The following CWH43 variants were observed in gnomAD, a reference collection of about 807,000 sequenced individuals.
The protein encoded by CWH43 is cell wall biogenesis 43 C-terminal homolog, also known as PGAP2-interacting protein.
Under a neutral mutation model 85.7 loss-of-function variants are expected in CWH43, and 91 were observed. The ratio of observed to expected loss-of-function variants is 1.06; its 90% CI spans 0.90 to 1.26. The LOEUF (loss-of-function observed/expected upper bound fraction) is 1.26. CWH43 is among the 50% of genes most tolerant of loss of function. The pLI is 0.00. For synonymous variants in CWH43, 323 were observed against 293.6 expected, an observed-to-expected ratio of 1.10 and a Z score of -1.02; for missense variants, 869 against 839.2, an observed-to-expected ratio of 1.04 and a Z score of -0.44.
rs1262110169 is a variant in CWH43 at position 49,014,139 on chromosome 4, T to A, written c.1187-3110T>A. Among the ~76,000 whole-genome samples, 5 of 152,280 alleles carry A rather than the reference T, an allele frequency of 3.3e-5. No homozygotes were observed. In the East Asian group the frequency reaches 9.6e-4, roughly 29 times the overall value. ...AGACCATTATATAAAAACCTTCATA[T>A]ATGTTTCATCTTAATTTAAAAGATT... On this transcript the variant is annotated intron_variant, in intron 8 of 15. Transcript: ENST00000226432.
chr4:49,034,658 A>G (rs1784209284), intron 12 of CWH43, among the ~76,000 whole-genome samples: 1 of 152,184 alleles, frequency 6.6e-6, no homozygotes, highest in Admixed American at 6.5e-5. Flanking sequence ...AAGGCAGTGT[A>G]ATTTAATGAT....
intron 9 of CWH43, among the ~76,000 whole-genome samples, chr4:49,021,945 CT>C: frequency 6.6e-6 from 1 of 152,166 alleles, no homozygotes; most frequent in Non-Finnish European, 1.5e-5. Flanking sequence ...GTTCTAGGAG[CT>C]TTTTGGTGGA....
chr4:49,039,333 AC>A (rs68087501), intron 13 of CWH43, among the ~76,000 whole-genome samples: 461 of 9,262 alleles, frequency 0.05, 6 homozygotes, highest in Middle Eastern at 0.083. Context: ...ATATATATAT[AC>A]TGATGTATAT....
chr4:49,059,059 C>T (rs922959952), intron 15 of CWH43, among the ~76,000 whole-genome samples: 1 of 152,036 alleles, frequency 6.6e-6, no homozygotes, highest in African/African-American at 2.4e-5. Flanking sequence ...GCTTTCTCTC[C>T]CTTTTTCCTT....
chr4:49,044,651 AG>A, intron 13 of CWH43, 134 bp from the exon 14 acceptor site: 1 of 619,780 alleles, frequency 1.6e-6, no homozygotes, highest in Non-Finnish European at 2.8e-6. Flanking sequence ...GGACCAAAAA[AG>A]ATCAGTAGGA....
chr4:48,992,130 A>G lies in CWH43; in HGVS notation c.511+40A>G. 6.5e-7 allele frequency: 1 copy of G among 1,527,964 alleles called. No individual in the cohort carries two copies. Among genetic ancestry groups the G allele is most frequent in the East Asian group, 2.3e-5 (1 of 44,080 alleles). The allele number at this position is 1,527,964 out of a possible 1,614,324, so 94.7% of individuals were successfully genotyped here. A position where few individuals can be genotyped will look rare whatever the true frequency, so the allele number is the denominator to read the frequency against. The stretch of plus-strand genomic sequence containing the variant: ...TAGGAATTTTCTCTTTGCAGAGCTT[A>G]CCTTTCCTATGTGAATGTTGCACAT... On this transcript the variant is annotated intron_variant, in intron 4 of 15. Transcript: ENST00000226432. The surrounding 1 kb of genome is among the most constrained non-coding windows in gnomAD (Gnocchi z 4.3).
At chr4:49,008,712 C>G (rs1783249677) in intron 8 of CWH43, among the ~76,000 whole-genome samples, 1 of 152,184 alleles carries the variant, frequency 6.6e-6, no homozygotes, top group African/African-American at 2.4e-5. Flanking sequence ...GTTTTCCCAG[C>G]ACCATTTGTT....
chr4:49,059,517 A>G (rs1785072335), intron 15 of CWH43, among the ~76,000 whole-genome samples: 1 of 152,084 alleles, frequency 6.6e-6, no homozygotes, highest in Non-Finnish European at 1.5e-5. Context: ...ATTATTTATG[A>G]TCTTTATGGA....
At chr4:49,024,983 C>T (rs772223621) in intron 9 of CWH43, among the ~76,000 whole-genome samples, 12 of 151,900 alleles carry the variant, frequency 7.9e-5, no homozygotes, top group Non-Finnish European at 1.3e-4. Context: ...CTTGGGAATA[C>T]TAATTATTCA....
Position 48,998,568 on chromosome 4 carries a change from A to C in CWH43, c.802+20A>C. ...TTACAGGTATGTGGAATTTACCTGCAGATAGAACACGACTGAGCTTGGTTA... is the reference window on the plus strand; with the variant it reads ...TTACAGGTATGTGGAATTTACCTGCCGATAGAACACGACTGAGCTTGGTTA... On this transcript the variant is annotated intron_variant, in intron 6 of 15. Transcript: ENST00000226432. 1 of 1,551,532 alleles carries C rather than the reference A, an allele frequency of 6.4e-7. No individual in the cohort carries two copies. The highest frequency in any genetic ancestry group is 8.9e-7 in the Non-Finnish European group (1 of 1,122,968).
chr4:49,039,026 C>T (rs1577698114), intron 13 of CWH43, among the ~76,000 whole-genome samples: 1 of 150,022 alleles, frequency 6.7e-6, no homozygotes, highest in African/African-American at 2.5e-5. Context: ...CCACTACACT[C>T]CAGCCTGGGT....
intron 8 of CWH43, among the ~76,000 whole-genome samples, chr4:49,014,446 G>T (rs746331440): frequency 1.7e-4 from 23 of 137,186 alleles, no homozygotes; most frequent in Non-Finnish European, 3.0e-4. Context: ...ATGACAGAAT[G>T]AGACTCTGAC....
At chr4:49,036,214 G>A (rs749633348) in intron 12 of CWH43, among the ~76,000 whole-genome samples, 54 of 152,218 alleles carry the variant, frequency 3.5e-4, no homozygotes, top group Non-Finnish European at 6.9e-4. Flanking sequence ...TGATGCCTCC[G>A]ATTGGCCAAA....
At chr4:49,020,731 T>G (rs1783726230) in intron 9 of CWH43, among the ~76,000 whole-genome samples, 1 of 152,036 alleles carries the variant, frequency 6.6e-6, no homozygotes, top group South Asian at 2.1e-4. Flanking sequence ...TAGTTTTTGA[T>G]TTTTTGATTA....
intron 15 of CWH43, among the ~76,000 whole-genome samples, chr4:49,054,916 G>A (rs1784905506): frequency 6.6e-6 from 1 of 150,454 alleles, no homozygotes; most frequent in Non-Finnish European, 1.5e-5. Context: ...GGAGTTTTTA[G>A]GGATATATAT....
intron 8 of CWH43, among the ~76,000 whole-genome samples, chr4:49,007,733 T>G (rs1281623764): frequency 6.6e-6 from 1 of 152,154 alleles, no homozygotes; most frequent in African/African-American, 2.4e-5. Context: ...GTGTTTGGTT[T>G]GTTGTCCTTG....
rs1224066153 is a variant in CWH43 at position 49,032,632 on chromosome 4, C to G, written c.1575C>G (p.Gly525=). 6.2e-7 allele frequency: 1 copy of G among 1,613,882 alleles called. No homozygotes were observed. Among genetic ancestry groups the G allele is most frequent in the African/African-American group, 1.3e-5 (1 of 74,890 alleles). The change falls in exon 12 of 16, where the codon GGC becomes GGG. Residue 525 remains glycine, a synonymous_variant. Coordinates refer to ENST00000226432, the MANE Select transcript of CWH43 (RefSeq NM_025087.3). ...SEHHLLPSPE[G]EIAPAITLTV... is the part of the protein sequence containing the mutation. ...ATCACCTTCTTCCGTCACCAGAGGG[C>G]GAGATCGCACCAGCCATCACATTGA...
intron 15 of CWH43, 68 bp from the exon 16 acceptor site, chr4:49,061,744 A>T (rs893934982): frequency 2.6e-5 from 31 of 1,173,136 alleles, no homozygotes; most frequent in Non-Finnish European, 3.0e-5. Context: ...GAAATTTTAC[A>T]TAAGAACATA....
chr4:49,020,412 C>CATATAT (rs1421769377), intron 9 of CWH43, among the ~76,000 whole-genome samples: 220 of 115,382 alleles, frequency 1.9e-3, no homozygotes, highest in African/African-American at 5.7e-3. Context: ...CACACACACA[C>CATATAT]ACACATATAT....
Sources: gnomAD v4.1 joint callset for allele counts (sites outside exome capture counted in the v4.1 genomes callset) on GRCh38, gnomAD v4.1.1 for gene constraint, Gnocchi (gnomAD v3.1) non-coding constraint, MANE v1.5 for transcripts, NCBI Gene and HGNC (gene_info 2026-07-23, HGNC 2026-07-21) for gene names.